The following CIT variants were observed in gnomAD, a reference collection of about 807,000 sequenced individuals.
CIT encodes the protein citron Rho-interacting kinase.
CIT carries 79 observed loss-of-function variants against 272.7 expected under a neutral mutation model. The ratio of observed to expected loss-of-function variants is 0.29; its 90% CI spans 0.24 to 0.35. The LOEUF is 0.35. Ranked by LOEUF, CIT falls within the 10% of genes least tolerant of loss-of-function variation. The pLI is 1.00. For missense variants in CIT, 1,909 were observed against 2,618.3 expected, an observed-to-expected ratio of 0.73 and a Z score of 5.91; for synonymous variants, 948 against 995.6, an observed-to-expected ratio of 0.95 and a Z score of 0.90.
At chr12:119,761,169 G>A (rs776114780) in intron 19 of CIT, 114 bp from the exon 20 acceptor site, 11 of 809,496 alleles carry the variant, frequency 1.4e-5, no homozygotes, top group East Asian at 9.8e-5. Context: ...GGAGAGGCCC[G>A]AGGTCTCCAA....
At position 119,726,713 on chromosome 12, in the gene CIT, A is replaced by G. The variant is rs1286218396; in HGVS notation, c.3591+1789T>C. On this transcript the variant is annotated intron_variant, in intron 28 of 47. Transcript: ENST00000392521. The stretch of plus-strand genomic sequence containing the variant: ...TAAACAGAATACTCTTTGGAGTCCA[A>G]TTTTTCATTATAAAGTGCATTTGTC... Among the ~76,000 whole-genome samples the G allele has an allele frequency of 4.6e-5, 7 of 152,194 alleles. No homozygotes were observed. In the East Asian group the frequency reaches 1.4e-3, roughly 29 times the overall value.
intron 16 of CIT, among the ~76,000 whole-genome samples, chr12:119,774,558 A>ATGTGTG (rs3999585): frequency 6.6e-5 from 10 of 150,620 alleles, no homozygotes; most frequent in African/African-American, 1.2e-4. Flanking sequence ...CACAATGTAT[A>ATGTGTG]TGTGTGTGTG....
At chr12:119,730,683 G>A (rs1958388740) in intron 26 of CIT, 53 bp from the exon 27 acceptor site, 15 of 1,583,226 alleles carry the variant, frequency 9.5e-6, no homozygotes, top group Admixed American at 5.2e-5. Flanking sequence ...GCTGACCTGC[G>A]GAAAGAAGGC....
chr12:119,872,247 C>T (rs12303871), intron 2 of CIT, among the ~76,000 whole-genome samples: 6,787 of 151,660 alleles, frequency 0.045, 284 homozygotes, highest in African/African-American at 0.11. Context: ...CCTTACTTGG[C>T]AAAATAAAAA....
rs556686602 is a variant in CIT, at chr12:119,692,278, G to A, written c.5883-1824C>T. Among the ~76,000 whole-genome samples the A allele has an allele frequency of 4.6e-5, 7 of 152,282 alleles. 1 individual carries two copies. Among genetic ancestry groups the A allele is most frequent in the African/African-American group, 1.2e-4 (5 of 41,562 alleles). On this transcript the variant is annotated intron_variant, in intron 46 of 47. Transcript: ENST00000392521. ...AGCCCGGGCAATATGGCAAGACCCC[G>A]CTTCTAAAAAACTAAAACTAAAAAT...
At chr12:119,861,062 A>G (rs11064936) in intron 3 of CIT, among the ~76,000 whole-genome samples, 7,263 of 151,674 alleles carry the variant, frequency 0.048, 326 homozygotes, top group African/African-American at 0.12. Flanking sequence ...CAGAGGTTGC[A>G]GTGAGCCGAG....
intron 13 of CIT, among the ~76,000 whole-genome samples, chr12:119,780,414 C>T (rs549795440): frequency 2.0e-5 from 3 of 152,130 alleles, no homozygotes; most frequent in Non-Finnish European, 2.9e-5. Flanking sequence ...GTCAGGAGTT[C>T]GAGACCAGCC....
chr12:119,751,834 T>C (rs949325783), intron 23 of CIT, among the ~76,000 whole-genome samples: 3 of 152,246 alleles, frequency 2.0e-5, no homozygotes, highest in African/African-American at 7.2e-5. Context: ...CTATTCAAGA[T>C]ACTAAGAAAA....
chr12:119,841,177 C>CT (rs746369072), intron 5 of CIT, among the ~76,000 whole-genome samples: 371 of 142,514 alleles, frequency 2.6e-3, no homozygotes, highest in South Asian at 0.013. Context: ...TTTATTTAAC[C>CT]TTTTTTTTTT....
At chr12:119,819,798 T>C (rs1305138314) in intron 9 of CIT, among the ~76,000 whole-genome samples, 3 of 152,262 alleles carry the variant, frequency 2.0e-5, no homozygotes, top group Non-Finnish European at 4.4e-5. Context: ...ATAATTTATG[T>C]TACAGTTACC....
intron 9 of CIT, among the ~76,000 whole-genome samples, chr12:119,808,211 A>G (rs181274022): frequency 1.2e-3 from 180 of 151,876 alleles, no homozygotes; most frequent in African/African-American, 3.8e-3. Flanking sequence ...AAAATATTCG[A>G]AAAAAAACAA....
chr12:119,804,705 G>C lies in CIT; in HGVS notation c.1112-1316C>G, dbSNP rs930605004. On this transcript the variant is annotated intron_variant, in intron 9 of 47. Coordinates refer to ENST00000392521, the MANE Select transcript of CIT (RefSeq NM_001206999.2). The surrounding 1 kb of genome is among the most constrained non-coding windows in gnomAD (Gnocchi z 5.3). Reference sequence around the variant, plus strand: ...GTTCCCCGATGACAACAACATCCAAGTGGCGCTGGGAAGTAATTGGAGCAG... The same window carrying C: ...GTTCCCCGATGACAACAACATCCAACTGGCGCTGGGAAGTAATTGGAGCAG... 2.0e-5 allele frequency among the ~76,000 whole-genome samples: 3 copies of C among 152,218 alleles called. No individual in the cohort carries two copies. Among genetic ancestry groups the C allele is most frequent in the African/African-American group, 7.2e-5 (3 of 41,444 alleles).
In CIT at chr12:119,767,291, T is replaced by G. The variant is rs203327; in HGVS notation, c.2209-109A>C. ...TTGGTACAGGTACCACAGGTAACGG[T>G]CATCTGGTCCTCCATTACTAGCCTA... On this transcript the variant is annotated intron_variant, in intron 18 of 47. Transcript: ENST00000392521. 0.82 allele frequency: 632,402 copies of G among 771,274 alleles called. 261,761 individuals are homozygous for G. The highest frequency in any genetic ancestry group is 0.96 in the African/African-American group (55,003 of 57,206). 47.8% of individuals were successfully genotyped at this position (771,274 alleles called of 1,614,324 possible). A position where few individuals can be genotyped will look rare whatever the true frequency, so the allele number is the denominator to read the frequency against.
At chr12:119,790,249 C>T (rs904168803) in intron 10 of CIT, among the ~76,000 whole-genome samples, 2 of 151,972 alleles carry the variant, frequency 1.3e-5, no homozygotes, top group East Asian at 3.9e-4. Context: ...ATAGCCCTGT[C>T]CTCTTCAAGC....
At chr12:119,841,946 T>C (rs1215362881) in intron 5 of CIT, among the ~76,000 whole-genome samples, 1 of 152,134 alleles carries the variant, frequency 6.6e-6, no homozygotes, top group Non-Finnish European at 1.5e-5. Flanking sequence ...CATCTCTACA[T>C]GCAACCAGGG....
Position 119,776,775 on chromosome 12 carries a change from G to A in CIT, c.1733C>T (p.Ala578Val). 1.2e-6 allele frequency: 2 copies of A among 1,614,076 alleles called. No homozygotes were observed. Among genetic ancestry groups the A allele is most frequent in the Non-Finnish European group, 8.5e-7 (1 of 1,180,014 alleles). The change falls in exon 14 of 48, where the codon GCA (alanine) becomes GTA (valine). Residue 578 changes from alanine (A) to valine (V), a missense_variant. This residue lies in a region of CIT where 530 missense variants were observed against 822.4 expected (regional missense o/e 0.64). Transcript: ENST00000392521. ...MNQLEEDLVS[A>V]RRRSDLYESE... ...TTCGTAGAGATCACTCCGTCTTCTT[G>A]CTGAGACAAGATCCTCTTCCAACTG...
chr12:119,872,181 T>G (rs1056409866), intron 2 of CIT, among the ~76,000 whole-genome samples: 1 of 152,216 alleles, frequency 6.6e-6, no homozygotes, highest in Non-Finnish European at 1.5e-5. Context: ...ATGCCCTTTA[T>G]GAAATACAAG....
intron 3 of CIT, among the ~76,000 whole-genome samples, chr12:119,868,184 T>C (rs1223318799): frequency 1.3e-5 from 2 of 152,124 alleles, no homozygotes; most frequent in Non-Finnish European, 2.9e-5. Context: ...GATATACCAC[T>C]GCAATCCAGC....
intron 1 of CIT, among the ~76,000 whole-genome samples, chr12:119,876,813 T>C (rs1189692875): frequency 1.3e-5 from 2 of 152,036 alleles, no homozygotes; most frequent in African/African-American, 4.8e-5. Flanking sequence ...CCAGACGGAC[T>C]GGAGCAGAGC....
Sources: allele counts gnomAD v4.1 joint callset (sites outside exome capture counted in the v4.1 genomes callset), GRCh38; gene constraint gnomAD v4.1.1; regional missense constraint gnomAD v4.1.1; non-coding constraint Gnocchi (gnomAD v3.1); transcripts MANE v1.5; gene names NCBI Gene and HGNC (gene_info 2026-07-23, HGNC 2026-07-21).